The following SLX4 variants were observed in gnomAD, a reference collection of about 807,000 sequenced individuals.
SLX4 encodes the protein structure-specific endonuclease subunit SLX4.
SLX4 carries 112 observed loss-of-function variants against 146.2 expected under a neutral mutation model. The ratio of observed to expected loss-of-function variants is 0.77; its 90% CI spans 0.66 to 0.90. The LOEUF is 0.90. Ranked by LOEUF, SLX4 falls within the 40% of genes least tolerant of loss-of-function variation. SLX4 has a pLI of 0.00. For missense variants in SLX4, 2,563 were observed against 2,392.7 expected (o/e 1.07, Z -1.49); for synonymous variants, 1,061 against 997.7 (o/e 1.06, Z -1.20).
chr16:3,597,553 A>G lies in SLX4; in HGVS notation c.1509T>C (p.Leu503=). The change falls in exon 7 of 15, where the codon CTT becomes CTC. Residue 503 remains leucine, a synonymous_variant. Coordinates refer to ENST00000294008, the MANE Select transcript of SLX4 (RefSeq NM_032444.4). The surrounding 1 kb of genome is among the most constrained non-coding windows in gnomAD (Gnocchi z 4.4). ...EEVELSSTPP[L]PASRILKEGW... is the part of the protein sequence containing the mutation. ...CTTCCTTTAAAATCCTGCTGGCAGGAAGTGGTGGCGTGCTAGACAATTCCA... is the reference window on the plus strand; with the variant it reads ...CTTCCTTTAAAATCCTGCTGGCAGGGAGTGGTGGCGTGCTAGACAATTCCA... The G allele has an allele frequency of 1.2e-6, 2 of 1,614,118 alleles. No individual in the cohort carries two copies. Among genetic ancestry groups the G allele is most frequent in the Non-Finnish European group, 1.7e-6 (2 of 1,180,028 alleles).
chr16:3,589,283 C>T lies in SLX4; in HGVS notation c.4355G>A (p.Ser1452Asn), dbSNP rs765104618. The change falls in exon 12 of 15, where the codon AGC (serine) becomes AAC (asparagine). Residue 1452 changes from serine to asparagine, a missense_variant. Ser to Asn is a conservative substitution (Grantham distance 46, BLOSUM62 1). Coordinates refer to ENST00000294008, the MANE Select transcript of SLX4 (RefSeq NM_032444.4). The surrounding 1 kb of genome is among the most constrained non-coding windows in gnomAD (Gnocchi z 6.2). ...CTCGTTCATCCTGCGGCTGGGGCTGCTGGTGCTCAGGGGGCCGGTCCGCTC... is the reference window on the plus strand; with the variant it reads ...CTCGTTCATCCTGCGGCTGGGGCTGTTGGTGCTCAGGGGGCCGGTCCGCTC... Reference protein sequence around the residue: ...NLERTGPLSTSSPSRRMNEAA... With the variant: ...NLERTGPLSTNSPSRRMNEAA... 6 of 1,593,710 alleles carry T rather than the reference C, an allele frequency of 3.8e-6. No homozygotes were observed. In the Admixed American group the frequency reaches 5.1e-5, roughly 14 times the overall value.
At chr16:3,584,938 T>C in intron 12 of SLX4, 67 bp from the exon 13 acceptor site, 4 of 1,127,602 alleles carry the variant, frequency 3.5e-6, no homozygotes, top group Non-Finnish European at 5.4e-6. Flanking sequence ...CTGATCCCAG[T>C]AGCGTGACCA....
At position 3,608,659 on chromosome 16, in the gene SLX4, G is replaced by A. The variant is rs752275926; in HGVS notation, c.306C>T (p.Thr102=). 1 of 1,614,048 alleles carries A rather than the reference G, an allele frequency of 6.2e-7. No homozygotes were observed. Among genetic ancestry groups the A allele is most frequent in the African/African-American group, 1.3e-5 (1 of 74,920 alleles). The change falls in exon 2 of 15, where the codon ACC becomes ACT. Residue 102 remains threonine (T), a synonymous_variant. Coordinates refer to ENST00000294008, the MANE Select transcript of SLX4 (RefSeq NM_032444.4). ...RTKQTATKTK[T]LQGPAEKKPP... ...GTTTCTTCTCTGCAGGGCCTTGAAGGGTTTTGGTCTTGGTAGCAGTTTGTT... is the reference window on the plus strand; with the variant it reads ...GTTTCTTCTCTGCAGGGCCTTGAAGAGTTTTGGTCTTGGTAGCAGTTTGTT...
Position 3,591,147 on chromosome 16 carries a change from C to G in SLX4, c.2491G>C (p.Glu831Gln). ...TGGTCCTTGGATTTCAACAAAGTCTCCGCTTCCTCCTCTTCATCTGCCCAC... is the reference window on the plus strand; with the variant it reads ...TGGTCCTTGGATTTCAACAAAGTCTGCGCTTCCTCCTCTTCATCTGCCCAC... ...SMWADEEEEA[E>Q]TLLKSKDHEE... The change falls in exon 12 of 15, where the codon GAG becomes CAG. Residue 831 changes from glutamate to glutamine, a missense_variant. Physicochemically the swap from Glu to Gln is conservative, Grantham distance 29 (BLOSUM62 2). Coordinates refer to ENST00000294008, the MANE Select transcript of SLX4 (RefSeq NM_032444.4). 2 of 1,614,230 alleles carry G rather than the reference C, an allele frequency of 1.2e-6. No individual in the cohort carries two copies. Among genetic ancestry groups the G allele is most frequent in the Non-Finnish European group, 1.7e-6 (2 of 1,180,050 alleles).
At chr16:3,610,468 C>T (rs1288703147) in intron 1 of SLX4, among the ~76,000 whole-genome samples, 1 of 152,178 alleles carries the variant, frequency 6.6e-6, no homozygotes, top group East Asian at 1.9e-4. Context: ...GTTCCAATTG[C>T]TTTCCAAGTC....
At chr16:3,607,410 A>G (rs1243732978) in intron 2 of SLX4, among the ~76,000 whole-genome samples, 1 of 152,230 alleles carries the variant, frequency 6.6e-6, no homozygotes, top group African/African-American at 2.4e-5. Context: ...AGGAGCTCAG[A>G]GAGCCCATGG....
intron 10 of SLX4, among the ~76,000 whole-genome samples, chr16:3,593,869 TTTTTG>T (rs550181222): frequency 4.6e-5 from 7 of 152,178 alleles, no homozygotes; most frequent in South Asian, 2.1e-4. Flanking sequence ...ATGGATTTTC[TTTTTG>T]TTTTGTTTTG....
Position 3,594,468 on chromosome 16 carries a change from C to T in SLX4, c.2145G>A (p.Pro715=), listed in dbSNP as rs773209008. Residue 715 remains proline, a synonymous_variant, in exon 10 of 15, where the codon CCG becomes CCA. Coordinates refer to ENST00000294008, the MANE Select transcript of SLX4 (RefSeq NM_032444.4). ...AHKFVLYARC[P]LLIQYVNNEG... Reference sequence around the variant, plus strand: ...ACGTACTTACATACTGGATGAGGAGCGGGCATCGGGCATAAAGCACGAACT... The same window carrying T: ...ACGTACTTACATACTGGATGAGGAGTGGGCATCGGGCATAAAGCACGAACT... The T allele has an allele frequency of 5.6e-6, 9 of 1,613,166 alleles. No homozygotes were observed. The highest frequency in any genetic ancestry group is 1.7e-5 in the Admixed American group (1 of 59,854).
At chr16:3,586,691 G>A (rs1470508554) in intron 12 of SLX4, among the ~76,000 whole-genome samples, 3 of 152,004 alleles carry the variant, frequency 2.0e-5, no homozygotes, top group Non-Finnish European at 2.9e-5. Flanking sequence ...GGCGATGGGC[G>A]CTTGTAATCC....
rs755211335 is a variant in SLX4, at chr16:3,601,116, C to T, written c.1026G>A (p.Pro342=). 1.6e-5 allele frequency: 26 copies of T among 1,614,012 alleles called. No homozygotes were observed. Among genetic ancestry groups the T allele is most frequent in the Middle Eastern group, 1.6e-4 (1 of 6,084 alleles). ...QIPECPICGK[P]FLTLKSRTSH... ...TGGTTCTGCTCTTTAAGGTAAGAAA[C>T]GGTTTCCCACAAATCGGGCACTCAG... Residue 342 remains proline (P), a synonymous_variant, in exon 5 of 15, where the codon CCG becomes CCA. Transcript: ENST00000294008.
In SLX4 at chr16:3,597,329, T is replaced by G; in HGVS notation, c.1683+50A>C. The stretch of plus-strand genomic sequence containing the variant: ...GTACCCAGTGTTGCAGTTCTGGGAT[T>G]GCCAACCTCCCCCAAAAGCCTATCC... On this transcript the variant is annotated intron_variant, in intron 7 of 14. Transcript: ENST00000294008. The surrounding 1 kb of genome is among the most constrained non-coding windows in gnomAD (Gnocchi z 4.4). The G allele has an allele frequency of 6.8e-7, 1 of 1,472,116 alleles. No individual in the cohort carries two copies. Among genetic ancestry groups the G allele is most frequent in the South Asian group, 1.4e-5 (1 of 71,504 alleles). 91.2% of individuals were successfully genotyped at this position (1,472,116 alleles called of 1,614,324 possible).
Position 3,601,044 on chromosome 16 carries a change from G to T in SLX4, c.1098C>A (p.Leu366=), listed in dbSNP as rs763351479. ...TCTGCAGCCGCACAGCCTGAAGCAG[G>T]AGCTGGGGGCCAACCTCCATCTTCA... The part of the protein sequence containing the change: ...CAVKMEVGPQ[L]LLQAVRLQTA... Residue 366 remains leucine, a synonymous_variant, in exon 5 of 15, where the codon CTC becomes CTA. Transcript: ENST00000294008. The T allele has an allele frequency of 1.2e-6, 2 of 1,613,896 alleles. No individual in the cohort carries two copies. The highest frequency in any genetic ancestry group is 4.5e-5 in the East Asian group (2 of 44,876).
chr16:3,594,033 G>A (rs1309083275), intron 10 of SLX4, among the ~76,000 whole-genome samples: 12 of 151,998 alleles, frequency 7.9e-5, no homozygotes, highest in Admixed American at 2.0e-4. Context: ...CACCATGCCC[G>A]GCTAATTTTT....
chr16:3,598,057 T>C lies in SLX4; in HGVS notation c.1164-58A>G, dbSNP rs537303735. ...GCTAGAGGAGTGCACGCTTCTCAGG[T>C]TGGTCACACTGGTCTGGAGAGGGCT... On this transcript the variant is annotated intron_variant, in intron 5 of 14. Coordinates refer to ENST00000294008, the MANE Select transcript of SLX4 (RefSeq NM_032444.4). 3 of 1,601,286 alleles carry C rather than the reference T, an allele frequency of 1.9e-6. No homozygotes were observed. The East Asian group carries it at 6.7e-5, about 36-fold the overall frequency.
rs149748089 is a variant in SLX4 at position 3,590,236 on chromosome 16, C to T, written c.3402G>A (p.Ser1134=). ...IDLTQSNPDH[S]SSRSQKSSSK... ...ATGAAGATTTCTGAGATCTGGAGCT[C>T]GAATGGTCAGGATTTGACTGGGTTA... The change falls in exon 12 of 15, where the codon TCG becomes TCA. Residue 1134 remains serine (S), a synonymous_variant. Transcript: ENST00000294008. The surrounding 1 kb of genome is among the most constrained non-coding windows in gnomAD (Gnocchi z 4.8). The T allele has an allele frequency of 1.1e-5, 18 of 1,614,032 alleles. No homozygotes were observed. The highest frequency in any genetic ancestry group is 8.0e-5 in the African/African-American group (6 of 74,910).
At position 3,582,414 on chromosome 16, in the gene SLX4, G is replaced by A. The variant is rs142477564; in HGVS notation, c.5433C>T (p.Ala1811=). 51 of 1,613,752 alleles carry A rather than the reference G, an allele frequency of 3.2e-5. No homozygotes were observed. In the African/African-American group the frequency reaches 5.7e-4, roughly 18 times the overall value. ...LDTHCITFTT[A]ATRREKLQGR... is the part of the protein sequence containing the mutation. ...CCTGGAGCTTCTCCCTGCGGGTGGC[G>A]GCAGTGGTGAAGGTGATACAGTGGG... Residue 1811 remains alanine, a synonymous_variant, in exon 15 of 15, where the codon GCC becomes GCT. Coordinates refer to ENST00000294008, the MANE Select transcript of SLX4 (RefSeq NM_032444.4).
intron 12 of SLX4, among the ~76,000 whole-genome samples, chr16:3,585,896 G>A (rs573311827): frequency 3.4e-4 from 51 of 152,000 alleles, no homozygotes; most frequent in Middle Eastern, 3.4e-3. Flanking sequence ...CCAGCTACTC[G>A]GGAGGCTGAG....
rs2040467802 is a variant in SLX4 at position 3,583,476 on chromosome 16, C to T, written c.4774G>A (p.Val1592Ile). ...TGGAATATCTCCTTCAGCTTCAGAA[C>T]CATCTGGCGTTTAGGCAGAGGGCGG... The part of the protein sequence containing the change: ...GVRPLPKRQM[V>I]LKLKEIFQYT... The change falls in exon 14 of 15, where the codon GTT (valine) becomes ATT (isoleucine). Residue 1592 changes from valine (V) to isoleucine (I), a missense_variant. Transcript: ENST00000294008. 1 of 1,614,172 alleles carries T rather than the reference C, an allele frequency of 6.2e-7. No homozygotes were observed. Among genetic ancestry groups the T allele is most frequent in the Non-Finnish European group, 8.5e-7 (1 of 1,180,044 alleles).
In SLX4 at chr16:3,608,422, C is replaced by G. The variant is rs1438562094; in HGVS notation, c.535+8G>C. ...TTCCAGCCCCTGGTTTAAAAGAGTA[C>G]AAATTACCTCTGGTTTTCTCTCTGG... On this transcript the variant is annotated splice_region_variant and intron_variant, in intron 2 of 14. Transcript: ENST00000294008. 5.0e-6 allele frequency: 8 copies of G among 1,614,042 alleles called. No individual in the cohort carries two copies. In the African/African-American group the frequency reaches 1.1e-4, roughly 22 times the overall value.
Sources: allele counts gnomAD v4.1 joint callset (sites outside exome capture counted in the v4.1 genomes callset), GRCh38; gene constraint gnomAD v4.1.1; non-coding constraint Gnocchi (gnomAD v3.1); transcripts MANE v1.5; gene names NCBI Gene and HGNC (gene_info 2026-07-23, HGNC 2026-07-21).